Variants in RPS6KA2 observed in about 807,000 individuals in gnomAD.
RPS6KA2 encodes the protein ribosomal protein S6 kinase A2, also known as ribosomal protein S6 kinase alpha-2.
Under a neutral mutation model 91.8 loss-of-function variants are expected in RPS6KA2, and 42 were observed. That is an observed-to-expected ratio of 0.46 (90% CI 0.36 to 0.59). The LOEUF (loss-of-function observed/expected upper bound fraction) is 0.59. RPS6KA2 is among the 20% of genes least tolerant of loss of function. The pLI is 0.00. For missense variants in RPS6KA2, 798 were observed against 978.5 expected (o/e 0.82, Z 2.46); for synonymous variants, 414 against 393.6 (o/e 1.05, Z -0.61).
At chr6:166,634,443 A>C (rs1349949427) in intron 2 of RPS6KA2, among the ~76,000 whole-genome samples, 1 of 152,190 alleles carries the variant, frequency 6.6e-6, no homozygotes, top group Admixed American at 6.5e-5. Flanking sequence ...TACCACCTCG[A>C]AATCAAAATC....
chr6:166,756,216 G>A (rs577673784), intron 2 of RPS6KA2, among the ~76,000 whole-genome samples: 2 of 152,046 alleles, frequency 1.3e-5, no homozygotes, highest in African/African-American at 2.4e-5. Flanking sequence ...CGTGAACCCA[G>A]GAGGCAGAGC....
At chr6:166,636,085 C>T (rs1787232701) in intron 2 of RPS6KA2, among the ~76,000 whole-genome samples, 1 of 152,214 alleles carries the variant, frequency 6.6e-6, no homozygotes, top group African/African-American at 2.4e-5. Context: ...GACTCTGCTA[C>T]AAAGACCCTG....
At position 166,500,310 on chromosome 6, in the gene RPS6KA2, A is replaced by T. The variant is rs1453735316; in HGVS notation, c.604+577T>A. Reference sequence around the variant, plus strand: ...GTTGCAGATGCTATAGGGAACTAATACAAATGGGGTGTCCTGAGACTAGAG... The same window carrying T: ...GTTGCAGATGCTATAGGGAACTAATTCAAATGGGGTGTCCTGAGACTAGAG... On this transcript the variant is annotated intron_variant, in intron 7 of 20. Transcript: ENST00000265678. The surrounding 1 kb of genome is among the most constrained non-coding windows in gnomAD (Gnocchi z 4.3). Among the ~76,000 whole-genome samples the T allele has an allele frequency of 6.6e-6, 1 of 152,222 alleles. No individual in the cohort carries two copies. Among genetic ancestry groups the T allele is most frequent in the East Asian group, 1.9e-4 (1 of 5,196 alleles).
In RPS6KA2 at chr6:166,825,099, C is replaced by G. The variant is rs1165839402; in HGVS notation, c.123+33101G>C. 6.6e-6 allele frequency among the ~76,000 whole-genome samples: 1 copy of G among 152,232 alleles called. No individual in the cohort carries two copies. Among genetic ancestry groups the G allele is most frequent in the Non-Finnish European group, 1.5e-5 (1 of 68,040 alleles). On this transcript the variant is annotated intron_variant, in intron 2 of 21. Coordinates refer to the RPS6KA2 transcript ENST00000503859. The surrounding 1 kb of genome is among the most constrained non-coding windows in gnomAD (Gnocchi z 4.1). ...GTTCTTCCACGAGGGAATAGCAGGG[C>G]CTCTAAAAACCCTTTTACAAATGTC...
intron 2 of RPS6KA2, among the ~76,000 whole-genome samples, chr6:166,649,831 G>A (rs1787793149): frequency 6.6e-6 from 1 of 152,160 alleles, no homozygotes; most frequent in Non-Finnish European, 1.5e-5. Flanking sequence ...AACCTGGCAC[G>A]ATTGTTTTGC....
rs1778423697 is a variant in RPS6KA2, at chr6:166,770,058, A to T, written c.123+88142T>A. Among the ~76,000 whole-genome samples the T allele has an allele frequency of 6.6e-6, 1 of 152,232 alleles. No individual in the cohort carries two copies. The highest frequency in any genetic ancestry group is 2.1e-4 in the South Asian group (1 of 4,834). On this transcript the variant is annotated intron_variant, in intron 2 of 21. Transcript: ENST00000503859. The surrounding 1 kb of genome is among the most constrained non-coding windows in gnomAD (Gnocchi z 5.1). Reference sequence around the variant, plus strand: ...ATGAACATAAGCTCAACCAGAAACCAACTTCCAATGACCCGTTTGGCACCT... The same window carrying T: ...ATGAACATAAGCTCAACCAGAAACCTACTTCCAATGACCCGTTTGGCACCT...
intron 1 of RPS6KA2, among the ~76,000 whole-genome samples, chr6:166,565,086 G>A (rs1199989560): frequency 6.6e-6 from 1 of 152,220 alleles, no homozygotes; most frequent in Non-Finnish European, 1.5e-5. Context: ...TGGCTGGGCT[G>A]AAAGTCACTC....
chr6:166,836,643 G>A (rs1780323763), intron 2 of RPS6KA2, among the ~76,000 whole-genome samples: 1 of 152,110 alleles, frequency 6.6e-6, no homozygotes, highest in African/African-American at 2.4e-5. Context: ...CACACACACT[G>A]TCCACTCTTT....
intron 11 of RPS6KA2, among the ~76,000 whole-genome samples, chr6:166,469,489 G>A (rs1780674501): frequency 6.6e-6 from 1 of 152,198 alleles, no homozygotes; most frequent in Admixed American, 6.5e-5. Flanking sequence ...GAGGTTAGAA[G>A]ACAGTCACTC....
chr6:166,762,550 T>C (rs545123761), intron 2 of RPS6KA2, among the ~76,000 whole-genome samples: 34 of 152,268 alleles, frequency 2.2e-4, no homozygotes, highest in African/African-American at 7.7e-4. Flanking sequence ...GCAGCTGATC[T>C]CGAATCACAC....
At chr6:166,843,525 C>T (rs557644738) in intron 2 of RPS6KA2, among the ~76,000 whole-genome samples, 133 of 152,296 alleles carry the variant, frequency 8.7e-4, no homozygotes, top group African/African-American at 3.2e-3. Flanking sequence ...CACTTCACTC[C>T]CTGCTACCTC....
At chr6:166,746,358 G>A (rs1238379101) in intron 2 of RPS6KA2, among the ~76,000 whole-genome samples, 1 of 152,194 alleles carries the variant, frequency 6.6e-6, no homozygotes, top group African/African-American at 2.4e-5. Context: ...GTGTTTTCCT[G>A]TTCTCACACA....
chr6:166,647,594 C>A (rs889800807), intron 2 of RPS6KA2, among the ~76,000 whole-genome samples: 1 of 152,204 alleles, frequency 6.6e-6, no homozygotes, highest in Non-Finnish European at 1.5e-5. Flanking sequence ...CTTTCCATAC[C>A]GCTCCCTAAC....
Position 166,770,370 on chromosome 6 carries a change from C to G in RPS6KA2, c.123+87830G>C, listed in dbSNP as rs541750532. Among the ~76,000 whole-genome samples, 21 of 152,314 alleles carry G rather than the reference C, an allele frequency of 1.4e-4. No homozygotes were observed. Among genetic ancestry groups the G allele is most frequent in the African/African-American group, 4.6e-4 (19 of 41,576 alleles). On this transcript the variant is annotated intron_variant, in intron 2 of 21. Transcript: ENST00000503859. This position sits in a 1 kb window ranked among gnomAD's most constrained non-coding sequence, Gnocchi z 5.1. ...CTAGAAAAGCTGTTGCTGAGCCACACGCACTAGAGTCTGGAGGCTGGTCGG... is the reference window on the plus strand; with the variant it reads ...CTAGAAAAGCTGTTGCTGAGCCACAGGCACTAGAGTCTGGAGGCTGGTCGG...
At chr6:166,828,019 A>G (rs1203401969) in intron 2 of RPS6KA2, among the ~76,000 whole-genome samples, 1 of 152,238 alleles carries the variant, frequency 6.6e-6, no homozygotes, top group African/African-American at 2.4e-5. Flanking sequence ...AGAGATGGCA[A>G]TCAGCTGCAG....
At chr6:166,515,107 G>A (rs1231167197) in intron 3 of RPS6KA2, among the ~76,000 whole-genome samples, 1 of 152,220 alleles carries the variant, frequency 6.6e-6, no homozygotes, top group African/African-American at 2.4e-5. Flanking sequence ...GGTTACTGTT[G>A]TTCTGGGGAA....
At chr6:166,466,426 T>C (rs1231583696) in intron 11 of RPS6KA2, among the ~76,000 whole-genome samples, 2 of 152,238 alleles carry the variant, frequency 1.3e-5, no homozygotes, top group African/African-American at 4.8e-5. Flanking sequence ...GGGCCATGCA[T>C]ACTTTGGAGT....
chr6:166,824,691 G>T (rs899250518), intron 2 of RPS6KA2, among the ~76,000 whole-genome samples: 1 of 146,348 alleles, frequency 6.8e-6, no homozygotes, highest in Non-Finnish European at 1.5e-5. Context: ...GTCTACATGT[G>T]TGTCTGTGTC....
rs1179157335 is a variant in RPS6KA2, at chr6:166,437,252, T to C, written c.1333-4762A>G. On this transcript the variant is annotated intron_variant, in intron 14 of 20. Coordinates refer to ENST00000265678, the MANE Select transcript of RPS6KA2 (RefSeq NM_021135.6). This position sits in a 1 kb window ranked among gnomAD's most constrained non-coding sequence, Gnocchi z 4.3. ...GCCAGCGCACTTCTTCTCTATGGGG[T>C]CGGTTTCTTGGGGTTGACCGTGTTG... 6.6e-6 allele frequency among the ~76,000 whole-genome samples: 1 copy of C among 151,984 alleles called. No homozygotes were observed. The highest frequency in any genetic ancestry group is 1.5e-5 in the Non-Finnish European group (1 of 68,014).
Sources: gnomAD v4.1 joint callset for allele counts (sites outside exome capture counted in the v4.1 genomes callset) on GRCh38, gnomAD v4.1.1 for gene constraint, Gnocchi (gnomAD v3.1) non-coding constraint, MANE v1.5 for transcripts, NCBI Gene and HGNC (gene_info 2026-07-23, HGNC 2026-07-21) for gene names.